The following ZNF711 variants were observed in gnomAD, a reference collection of about 807,000 sequenced individuals.
ZNF711 encodes the protein zinc finger protein 711.
A neutral mutation model predicts 43.5 loss-of-function variants in ZNF711; 3 were observed. The ratio of observed to expected loss-of-function variants is 0.07; its 90% CI spans 0.03 to 0.18. ZNF711 has a LOEUF of 0.18. Ranked by LOEUF, ZNF711 falls within the 10% of genes least tolerant of loss-of-function variation. The pLI is 1.00. For missense variants in ZNF711, 412 were observed against 604.0 expected (o/e 0.68, Z 3.33); for synonymous variants, 209 against 207.7 (o/e 1.01, Z -0.06).
rs751233518 is a variant in ZNF711, at chrX:85,270,677, C to T, written c.1273C>T (p.Pro425Ser). The change falls in exon 11 of 11, where the codon CCC (proline) becomes TCC (serine). Residue 425 changes from proline (P) to serine (S), a missense_variant. This residue lies in a region of ZNF711 where 375 missense variants were observed against 514.2 expected (regional missense o/e 0.73). Transcript: ENST00000674551. ...TAVIIGPDGQPLTVYPCHICT... is the reference protein window; with the variant it reads ...TAVIIGPDGQSLTVYPCHICT... ...TGTTATAATAGGTCCTGATGGACAG[C>T]CCCTCACAGTGTACCCTTGCCATAT... The T allele has an allele frequency of 2.5e-6, 3 of 1,207,021 alleles. No homozygotes were observed. Among genetic ancestry groups the T allele is most frequent in the Non-Finnish European group, 3.4e-6 (3 of 892,527 alleles).
intron 10 of ZNF711, 48 bp from the exon 11 acceptor site, chrX:85,270,603 T>G (rs766901641): frequency 1.8e-6 from 2 of 1,114,763 alleles, no homozygotes; most frequent in Non-Finnish European, 2.4e-6. Context: ...ATAAAATCCT[T>G]TAAAACAGTC....
chrX:85,258,152 A>G (rs1395942968), intron 5 of ZNF711, among the ~76,000 whole-genome samples: 2 of 112,340 alleles, frequency 1.8e-5, no homozygotes, highest in Non-Finnish European at 3.8e-5. Flanking sequence ...CCATCAATCA[A>G]CGAGTGGATA....
intron 7 of ZNF711, among the ~76,000 whole-genome samples, chrX:85,266,191 T>G (rs942364158): frequency 1.7e-4 from 19 of 111,510 alleles, no homozygotes; most frequent in South Asian, 3.7e-4. Flanking sequence ...TGCTGCACTC[T>G]GATACCTACT....
At chrX:85,255,910 T>C (rs1930092385) in intron 5 of ZNF711, 109 bp downstream of exon 5, 12 of 772,430 alleles carry the variant, frequency 1.6e-5, no homozygotes, top group Non-Finnish European at 2.0e-5. Context: ...GGAATCTTTT[T>C]GAAAAATAAT....
intron 9 of ZNF711, among the ~76,000 whole-genome samples, chrX:85,269,448 A>C (rs1402709914): frequency 1.9e-5 from 2 of 104,877 alleles, no homozygotes; most frequent in African/African-American, 7.1e-5. Flanking sequence ...TAGCACAATC[A>C]TAGCTCACTG....
chrX:85,257,678 T>C (rs1930290360), intron 5 of ZNF711, among the ~76,000 whole-genome samples: 1 of 112,614 alleles, frequency 8.9e-6, no homozygotes, highest in Non-Finnish European at 1.9e-5. Context: ...TTCCATTGGA[T>C]GTATACCCAG....
At chrX:85,260,775 C>T (rs1930568203) in intron 5 of ZNF711, among the ~76,000 whole-genome samples, 1 of 110,120 alleles carries the variant, frequency 9.1e-6, no homozygotes, top group Non-Finnish European at 1.9e-5. Flanking sequence ...TACATTTGAC[C>T]CTTGAACAAT....
chrX:85,271,559 G>C lies in ZNF711; in HGVS notation c.2155G>C (p.Asp719His), dbSNP rs1474925598. Residue 719 changes from aspartate (D) to histidine (H), a missense_variant, in exon 11 of 11, where the codon GAT (aspartate) becomes CAT (histidine). Around this residue, in one of 4 missense-constraint regions of ZNF711, gnomAD observed 25 missense variants for 52.9 expected, o/e 0.47. Coordinates refer to ENST00000674551, the MANE Select transcript of ZNF711 (RefSeq NM_001330574.2). ...SGHILSVHTKDQPLKCKRCKR... is the reference protein window; with the variant it reads ...SGHILSVHTKHQPLKCKRCKR... Reference sequence around the variant, plus strand: ...CCATATCCTTTCAGTTCATACTAAAGATCAGCCATTGAAATGTAAAAGGTG... The same window carrying C: ...CCATATCCTTTCAGTTCATACTAAACATCAGCCATTGAAATGTAAAAGGTG... 3 of 1,209,487 alleles carry C rather than the reference G, an allele frequency of 2.5e-6. No homozygotes were observed. Among genetic ancestry groups the C allele is most frequent in the Non-Finnish European group, 3.4e-6 (3 of 894,959 alleles).
intron 7 of ZNF711, among the ~76,000 whole-genome samples, chrX:85,266,988 G>A (rs1301427231): frequency 9.3e-6 from 1 of 107,766 alleles, no homozygotes; most frequent in African/African-American, 3.4e-5. Flanking sequence ...TATAATGCCT[G>A]ATAGAATGTA....
In ZNF711 at chrX:85,272,460, A is replaced by G. The variant is rs6653049; in HGVS notation, c.*632A>G. 24,091 of 111,530 alleles carry G rather than the reference A, an allele frequency of 0.22. 2,460 individuals carry two copies. Among genetic ancestry groups the G allele is most frequent in the African/African-American group, 0.4 (12,264 of 30,589 alleles). 9.2% of individuals were successfully genotyped at this position (111,530 alleles called of 1,213,427 possible). A position where few individuals can be genotyped will look rare whatever the true frequency, so the allele number is the denominator to read the frequency against. On this transcript the variant is annotated 3_prime_UTR_variant, in exon 11 of 11. Coordinates refer to ENST00000674551, the MANE Select transcript of ZNF711 (RefSeq NM_001330574.2). ...TTAAAATATAGCATTCTGTGCTGAG[A>G]TCTAAGGTGAAGTCTATAAAGATTA...
rs141475235 is a variant in ZNF711, at chrX:85,261,073, A to G, written c.623-3202A>G. Among the ~76,000 whole-genome samples the G allele has an allele frequency of 3.1e-3, 344 of 111,361 alleles. 2 individuals are homozygous for G. Among genetic ancestry groups the G allele is most frequent in the African/African-American group, 0.011 (326 of 30,796 alleles). On this transcript the variant is annotated intron_variant, in intron 5 of 10. Transcript: ENST00000674551. The stretch of plus-strand genomic sequence containing the variant: ...GGTCATCATAAAGGTCCTCATCCTT[A>G]TTGTCCTCACATTGAGTAGGCTGAA...
intron 2 of ZNF711, among the ~76,000 whole-genome samples, chrX:85,246,267 T>C (rs1929042697): frequency 8.9e-6 from 1 of 112,152 alleles, no homozygotes; most frequent in African/African-American, 3.2e-5. Context: ...TTTTGCATAA[T>C]AGCAAAGCAG....
At position 85,259,973 on chromosome X, in the gene ZNF711, A is replaced by G. The variant is rs181261994; in HGVS notation, c.622+4172A>G. Among the ~76,000 whole-genome samples the G allele has an allele frequency of 8.1e-5, 9 of 111,456 alleles. No individual in the cohort carries two copies. In the Admixed American group the frequency reaches 8.6e-4, roughly 11 times the overall value. On this transcript the variant is annotated intron_variant, in intron 5 of 10. Transcript: ENST00000674551. ...CATCCTTGTCTTATTCCAGTTCTCA[A>G]GAAGAATGCTTCCAGTTTTTGCTCA...
intron 5 of ZNF711, among the ~76,000 whole-genome samples, chrX:85,261,088 A>T (rs1449026971): frequency 2.7e-5 from 3 of 111,316 alleles, no homozygotes; most frequent in African/African-American, 9.8e-5. Flanking sequence ...CCTCACATTG[A>T]GTAGGCTGAA....
At chrX:85,247,868 TATG>T (rs1402771264) in intron 4 of ZNF711, among the ~76,000 whole-genome samples, 1 of 111,068 alleles carries the variant, frequency 9.0e-6, no homozygotes, top group Non-Finnish European at 1.9e-5. Flanking sequence ...ACACTTGAAA[TATG>T]GTGGTAATAT....
Position 85,247,208 on chromosome X carries a change from T to C in ZNF711, c.-27+20T>C, listed in dbSNP as rs1929109197. The C allele has an allele frequency of 3.2e-6, 1 of 309,334 alleles. No homozygotes were observed. Among genetic ancestry groups the C allele is most frequent in the African/African-American group, 2.7e-5 (1 of 37,048 alleles). 25.5% of individuals were successfully genotyped at this position (309,334 alleles called of 1,213,427 possible). ...AGTAATGTATAAATATCCTAACTATTGTTTGTTGTCATCTCGTTCTTCTTT... is the reference window on the plus strand; with the variant it reads ...AGTAATGTATAAATATCCTAACTATCGTTTGTTGTCATCTCGTTCTTCTTT... On this transcript the variant is annotated intron_variant, in intron 3 of 10. Coordinates refer to ENST00000674551, the MANE Select transcript of ZNF711 (RefSeq NM_001330574.2).
At chrX:85,247,312 A>G in intron 3 of ZNF711, 124 bp downstream of exon 3, 2 of 343,870 alleles carry the variant, frequency 5.8e-6, no homozygotes, top group Non-Finnish European at 1.0e-5. Context: ...CCTATGGCTC[A>G]TCAGCTTGAC....
chrX:85,247,605 C>T lies in ZNF711; in HGVS notation c.33C>T (p.His11=), dbSNP rs1929140507. 8.3e-7 allele frequency: 1 copy of T among 1,210,186 alleles called. No individual in the cohort carries two copies. The highest frequency in any genetic ancestry group is 1.8e-5 in the South Asian group (1 of 56,665). The change falls in exon 4 of 11, where the codon CAC becomes CAT. Residue 11 remains histidine, a synonymous_variant. Coordinates refer to ENST00000674551, the MANE Select transcript of ZNF711 (RefSeq NM_001330574.2). The stretch of plus-strand genomic sequence containing the variant: ...CAGGCGGTGGAAGTCTTGGATTGCA[C>T]ACGCCAGACTCTAGAATGGCCCATA... The part of the protein sequence containing the change: MDSGGGSLGL[H]TPDSRMAHTM...
chrX:85,244,631 A>T (rs1240532724), intron 1 of ZNF711: 2 of 110,261 alleles, frequency 1.8e-5, no homozygotes, highest in African/African-American at 6.6e-5. Flanking sequence ...CCGAGCTAAT[A>T]GTAACCTTTG....
Sources: allele counts gnomAD v4.1 joint callset (sites outside exome capture counted in the v4.1 genomes callset), GRCh38; gene constraint gnomAD v4.1.1; regional missense constraint gnomAD v4.1.1; transcripts MANE v1.5; gene names NCBI Gene and HGNC (gene_info 2026-07-23, HGNC 2026-07-21).